LTBP1: variants seen among roughly 807,000 people sequenced by gnomAD.
LTBP1 encodes the protein latent-transforming growth factor beta-binding protein 1.
Under a neutral mutation model 207.6 loss-of-function variants are expected in LTBP1, and 129 were observed. That is an observed-to-expected ratio of 0.62 (90% CI 0.54 to 0.72). The LOEUF is 0.72. Ranked by LOEUF, LTBP1 falls within the 30% of genes least tolerant of loss-of-function variation. LTBP1 has a pLI of 0.00. For synonymous variants in LTBP1, 963 were observed against 833.7 expected, an observed-to-expected ratio of 1.16 and a Z score of -2.67; for missense variants, 2,281 against 2,217.2, an observed-to-expected ratio of 1.03 and a Z score of -0.58.
chr2:32,994,410 A>G (rs1684918931), intron 2 of LTBP1, among the ~76,000 whole-genome samples: 1 of 152,114 alleles, frequency 6.6e-6, no homozygotes, highest in African/African-American at 2.4e-5. Flanking sequence ...AAGTGGTAGA[A>G]CCAAGATTAT....
chr2:33,215,711 C>CTT (rs201936680), intron 7 of LTBP1, among the ~76,000 whole-genome samples: 1,280 of 125,790 alleles, frequency 0.01, 61 homozygotes, highest in Middle Eastern at 0.061. Context: ...CATTGGTTTT[C>CTT]TTTTGTTTTT....
At chr2:33,341,729 A>AAAAAAAAATATATATATATAT (rs745445793) in intron 24 of LTBP1, among the ~76,000 whole-genome samples, 1 of 93,636 alleles carries the variant, frequency 1.1e-5, no homozygotes, top group African/African-American at 5.1e-5. Context: ...AAAAAAAAAA[A>AAAAAAAAATATATATATATAT]ATATATATAT....
chr2:33,384,670 T>G (rs2095250510), intron 31 of LTBP1, among the ~76,000 whole-genome samples: 2 of 152,358 alleles, frequency 1.3e-5, no homozygotes, highest in African/African-American at 2.4e-5. Flanking sequence ...CTCCACATGT[T>G]GAGCTGGATA....
At position 33,389,282 on chromosome 2, in the gene LTBP1, G is replaced by A. The variant is rs2095294975; in HGVS notation, c.4810G>A (p.Ala1604Thr). The change falls in exon 32 of 34, where the codon GCC becomes ACC. Residue 1604 changes from alanine (A) to threonine (T), a missense_variant. By Grantham distance (58) the Ala-to-Thr change is moderately conservative (BLOSUM62 0). This residue lies in a region of LTBP1 where 1,671 missense variants were observed against 1,634.8 expected (regional missense o/e 1.02). Transcript: ENST00000404816. ...VDFSEQYTPE[A>T]DPYFIQDRFL... ...CTTCAGTGAACAGTATACTCCAGAA[G>A]CCGATCCCTACTTCATCCAAGACCG... 8.7e-6 allele frequency: 14 copies of A among 1,614,064 alleles called. No homozygotes were observed. The highest frequency in any genetic ancestry group is 1.3e-5 in the African/African-American group (1 of 74,928).
At chr2:33,156,245 A>C (rs2083965792) in intron 5 of LTBP1, among the ~76,000 whole-genome samples, 1 of 152,220 alleles carries the variant, frequency 6.6e-6, no homozygotes. Flanking sequence ...GATCCTTCAG[A>C]ATCCCAGGGT....
intron 7 of LTBP1, among the ~76,000 whole-genome samples, chr2:33,204,797 T>C (rs1419120733): frequency 6.6e-6 from 1 of 152,198 alleles, no homozygotes; most frequent in African/African-American, 2.4e-5. Flanking sequence ...TGATAGCTGA[T>C]TTGACCTTCA....
At chr2:33,074,830 A>G (rs932971977) in intron 3 of LTBP1, among the ~76,000 whole-genome samples, 1 of 149,060 alleles carries the variant, frequency 6.7e-6, no homozygotes, top group Non-Finnish European at 1.5e-5. Context: ...AGATCGCACC[A>G]CTGCACTCCA....
intron 4 of LTBP1, among the ~76,000 whole-genome samples, chr2:33,111,380 A>C (rs2080389773): frequency 6.6e-6 from 1 of 152,144 alleles, no homozygotes; most frequent in African/African-American, 2.4e-5. Context: ...ATCTGGAGAA[A>C]ACGTTCTGGA....
At chr2:33,198,930 C>T (rs1201968441) in intron 7 of LTBP1, among the ~76,000 whole-genome samples, 1 of 152,010 alleles carries the variant, frequency 6.6e-6, no homozygotes, top group Non-Finnish European at 1.5e-5. Context: ...TTATTTCTTG[C>T]CTTCTGCTAG....
At chr2:33,225,669 A>G (rs979628637) in intron 9 of LTBP1, among the ~76,000 whole-genome samples, 1 of 152,206 alleles carries the variant, frequency 6.6e-6, no homozygotes, top group African/African-American at 2.4e-5. Context: ...TTGGGTGGGG[A>G]TACAGCCAAA....
chr2:33,258,566 A>G (rs558794946), intron 12 of LTBP1, among the ~76,000 whole-genome samples: 22 of 152,202 alleles, frequency 1.4e-4, no homozygotes, highest in Non-Finnish European at 2.5e-4. Context: ...GCTGGAATCA[A>G]CAGTATTAAT....
At position 33,068,146 on chromosome 2, in the gene LTBP1, T is replaced by G. The variant is rs2077611156; in HGVS notation, c.864-42436T>G. On this transcript the variant is annotated intron_variant, in intron 3 of 33. Transcript: ENST00000404816. ...AGAGATTAGCATTAGCAGAGTAACATTTGCGATTCTTTTTTTGTGGGGTGG... is the reference window on the plus strand; with the variant it reads ...AGAGATTAGCATTAGCAGAGTAACAGTTGCGATTCTTTTTTTGTGGGGTGG... Among the ~76,000 whole-genome samples, 3 of 126,960 alleles carry G rather than the reference T, an allele frequency of 2.4e-5. No individual in the cohort carries two copies. The South Asian group carries it at 9.0e-4, about 38-fold the overall frequency. 83.3% of individuals were successfully genotyped at this position (126,960 alleles called of 152,430 possible).
intron 7 of LTBP1, among the ~76,000 whole-genome samples, chr2:33,196,671 G>A (rs1451192086): frequency 6.6e-6 from 1 of 152,158 alleles, no homozygotes; most frequent in East Asian, 1.9e-4. Flanking sequence ...CTAAATAAAT[G>A]CTAACTAAAT....
intron 5 of LTBP1, among the ~76,000 whole-genome samples, chr2:33,170,457 C>T (rs887967726): frequency 3.9e-5 from 6 of 152,198 alleles, no homozygotes; most frequent in African/African-American, 1.4e-4. Flanking sequence ...GGGGGAGGGG[C>T]GCCCGCCATT....
intron 5 of LTBP1, among the ~76,000 whole-genome samples, chr2:33,175,921 CGCATATCCTCACTCATAGGT>C (rs2085994217): frequency 8.7e-6 from 1 of 115,510 alleles, no homozygotes; most frequent in Non-Finnish European, 1.9e-5. Flanking sequence ...AACCAGACAC[CGCATATCCTCACTCATAGGT>C]GGGAATTGAA....
rs377677417 is a variant in LTBP1 at position 33,233,796 on chromosome 2, T to C, written c.1877-9866T>C. Among the ~76,000 whole-genome samples the C allele has an allele frequency of 2.6e-5, 4 of 152,254 alleles. No homozygotes were observed. In the South Asian group the frequency reaches 8.3e-4, roughly 31 times the overall value. ...AGTAAATTTACTTTTTGTTCATGAT[T>C]GCCTTACACAACTTTTCAATCTACT... On this transcript the variant is annotated intron_variant, in intron 9 of 33. Coordinates refer to ENST00000404816, the MANE Select transcript of LTBP1 (RefSeq NM_206943.4).
intron 5 of LTBP1, among the ~76,000 whole-genome samples, chr2:33,181,477 C>T (rs762727269): frequency 5.9e-5 from 9 of 152,170 alleles, no homozygotes; most frequent in Non-Finnish European, 7.4e-5. Flanking sequence ...CAGCATGGAT[C>T]CTTTTGCTCA....
chr2:33,168,419 A>C (rs1332656544), intron 5 of LTBP1, among the ~76,000 whole-genome samples: 2 of 151,602 alleles, frequency 1.3e-5, no homozygotes, highest in African/African-American at 2.4e-5. Flanking sequence ...AAAAAAAAGA[A>C]AAAAGAAAAA....
At chr2:32,992,148 T>A (rs943061195) in intron 2 of LTBP1, among the ~76,000 whole-genome samples, 4 of 152,204 alleles carry the variant, frequency 2.6e-5, no homozygotes, top group Non-Finnish European at 5.9e-5. Context: ...CTGTCCTCAG[T>A]GCCTGGGTGG....
Sources: gnomAD v4.1 joint callset for allele counts (sites outside exome capture counted in the v4.1 genomes callset) on GRCh38, gnomAD v4.1.1 for gene constraint, gnomAD v4.1.1 regional missense constraint, MANE v1.5 for transcripts, NCBI Gene and HGNC (gene_info 2026-07-23, HGNC 2026-07-21) for gene names.